ANO10: variants seen among roughly 807,000 people sequenced by gnomAD.
ANO10 encodes anoctamin 10, also known as anoctamin-10.
Under a neutral mutation model 74.7 loss-of-function variants are expected in ANO10, and 77 were observed. That is an observed-to-expected ratio of 1.03 (90% confidence interval 0.86 to 1.25). The LOEUF is 1.25. Among genes scored for constraint, ANO10 ranks in the 50% most tolerant of loss-of-function variants. The probability of loss-of-function intolerance (pLI) is 0.00; values close to 1 mark genes in which losing one functional copy is unlikely to be tolerated. For missense variants in ANO10, 721 were observed against 778.1 expected (o/e 0.93, Z 0.87); for synonymous variants, 279 against 284.9 (o/e 0.98, Z 0.21).
chr3:43,445,045 C>A (rs558053373), intron 11 of ANO10, among the ~76,000 whole-genome samples: 2 of 151,094 alleles, frequency 1.3e-5, no homozygotes, highest in East Asian at 3.9e-4. Flanking sequence ...ATGGCATGAA[C>A]CCGGGAGGAG....
At chr3:43,623,892 A>G (rs2083469271), upstream of ANO10, among the ~76,000 whole-genome samples, 1 of 152,188 alleles carries the variant, frequency 6.6e-6, no homozygotes, top group African/African-American at 2.4e-5. Context: ...GAACTTCAAT[A>G]AGTTTAGACA....
intron 9 of ANO10, among the ~76,000 whole-genome samples, chr3:43,557,096 G>A (rs1390446131): frequency 6.6e-6 from 1 of 151,400 alleles, no homozygotes; most frequent in African/African-American, 2.4e-5. Flanking sequence ...TTATAAAAAG[G>A]AAAAGGAAAG....
At chr3:43,405,806 C>T (rs2092566071) in intron 12 of ANO10, among the ~76,000 whole-genome samples, 1 of 152,232 alleles carries the variant, frequency 6.6e-6, no homozygotes, top group East Asian at 1.9e-4. Flanking sequence ...AAATTTCAAC[C>T]TAAAATATAT....
chr3:43,598,717 A>G, intron 3 of ANO10, 51 bp from the exon 4 acceptor site: 2 of 1,407,762 alleles, frequency 1.4e-6, no homozygotes, highest in Non-Finnish European at 2.0e-6. Flanking sequence ...AAATAAAAAT[A>G]TTCCAATTAC....
In ANO10 at chr3:43,670,391, T is replaced by C. The variant is rs566887189; in HGVS notation, c.-12+21126A>G. 9.6e-4 allele frequency among the ~76,000 whole-genome samples: 146 copies of C among 151,960 alleles called. 3 individuals are homozygous for C. The highest frequency in any genetic ancestry group is 3.5e-3 in the African/African-American group (143 of 41,430). ...CTGGAGATCATTTCTAATTTCATAATAGGTTGGGAGATTTATGCTTAAGAG... is the reference window on the plus strand; with the variant it reads ...CTGGAGATCATTTCTAATTTCATAACAGGTTGGGAGATTTATGCTTAAGAG... On this transcript the variant is annotated intron_variant, in intron 1 of 3. Coordinates refer to the ANO10 transcript ENST00000413397.
rs972745711 is a variant in ANO10, at chr3:43,586,059, G to C, written c.473-5587C>G. On this transcript the variant is annotated intron_variant, in intron 4 of 12. Coordinates refer to ENST00000292246, the MANE Select transcript of ANO10 (RefSeq NM_018075.5). The stretch of plus-strand genomic sequence containing the variant: ...GTAAACTAAGAGCACCCATGCTTCT[G>C]CAAACCTGGGCCAAGCACACAAAGG... Among the ~76,000 whole-genome samples, 8 of 152,320 alleles carry C rather than the reference G, an allele frequency of 5.3e-5. No individual in the cohort carries two copies. In the South Asian group the frequency reaches 6.2e-4, roughly 12 times the overall value.
At chr3:43,684,496 G>C in intron 1 of ANO10, among the ~76,000 whole-genome samples, 1 of 152,182 alleles carries the variant, frequency 6.6e-6, no homozygotes. Context: ...CTGTAAACTC[G>C]TTCAACCATT....
chr3:43,399,263 T>C (rs1463796443), intron 12 of ANO10, among the ~76,000 whole-genome samples: 1 of 152,278 alleles, frequency 6.6e-6, no homozygotes, highest in Non-Finnish European at 1.5e-5. Flanking sequence ...GAGTCATTTC[T>C]AACGAATCTA....
intron 1 of ANO10, among the ~76,000 whole-genome samples, chr3:43,678,134 T>C (rs1242617389): frequency 6.6e-6 from 1 of 152,236 alleles, no homozygotes; most frequent in Non-Finnish European, 1.5e-5. Context: ...TCCTGAGCAC[T>C]CTTACATTAG....
At chr3:43,592,777 T>C (rs962454581) in intron 4 of ANO10, among the ~76,000 whole-genome samples, 1 of 152,174 alleles carries the variant, frequency 6.6e-6, no homozygotes, top group Non-Finnish European at 1.5e-5. Flanking sequence ...AGAAGAAGGC[T>C]TCAGAAGATG....
At chr3:43,474,081 T>A (rs958190273) in intron 11 of ANO10, among the ~76,000 whole-genome samples, 1 of 152,186 alleles carries the variant, frequency 6.6e-6, no homozygotes, top group African/African-American at 2.4e-5. Context: ...ACAGAGGCCT[T>A]TTTGGTTTTG....
intron 1 of ANO10, among the ~76,000 whole-genome samples, chr3:43,644,822 C>T (rs1164402750): frequency 6.6e-6 from 1 of 152,256 alleles, no homozygotes; most frequent in Non-Finnish European, 1.5e-5. Flanking sequence ...GCGGTAACAC[C>T]TTCCCATTGG....
chr3:43,550,415 G>A (rs554182815), intron 10 of ANO10, among the ~76,000 whole-genome samples: 1 of 152,268 alleles, frequency 6.6e-6, no homozygotes, highest in East Asian at 1.9e-4. Context: ...AACTGGTCCA[G>A]CATTCCCTGA....
intron 11 of ANO10, among the ~76,000 whole-genome samples, chr3:43,443,462 T>C (rs932518614): frequency 6.6e-6 from 1 of 152,066 alleles, no homozygotes; most frequent in African/African-American, 2.4e-5. Flanking sequence ...AGAGACAGTA[T>C]GGGGGAGATC....
In ANO10 at chr3:43,665,057, G is replaced by A. The variant is rs192298067; in HGVS notation, c.-12+26460C>T. Among the ~76,000 whole-genome samples the A allele has an allele frequency of 5.4e-3, 827 of 152,152 alleles. 15 individuals are homozygous for A. The highest frequency in any genetic ancestry group is 0.015 in the Admixed American group (227 of 15,282). Reference sequence around the variant, plus strand: ...CCCAAAGGATTACAAATCATTCTACGATAAAGACACATGCACATGTATGTT... The same window carrying A: ...CCCAAAGGATTACAAATCATTCTACAATAAAGACACATGCACATGTATGTT... On this transcript the variant is annotated intron_variant, in intron 1 of 3. Coordinates refer to the ANO10 transcript ENST00000413397.
At chr3:43,485,119 CT>C in intron 11 of ANO10, 1 of 937,428 alleles carries the variant, frequency 1.1e-6, no homozygotes, top group South Asian at 1.4e-5. Context: ...TCACCTCCAC[CT>C]TCATCTGGTG....
intron 1 of ANO10, among the ~76,000 whole-genome samples, chr3:43,647,341 C>T (rs999402450): frequency 2.0e-5 from 3 of 151,888 alleles, no homozygotes; most frequent in Admixed American, 6.6e-5. Context: ...GTTGGGGGAG[C>T]GCTGGTATAA....
chr3:43,639,787 A>G (rs572730807), intron 1 of ANO10, among the ~76,000 whole-genome samples: 31 of 152,236 alleles, frequency 2.0e-4, no homozygotes, highest in African/African-American at 5.1e-4. Context: ...AAAAAAAAAA[A>G]AAAGAAAGAA....
chr3:43,521,916 A>G (rs1456060639), intron 11 of ANO10, among the ~76,000 whole-genome samples: 1 of 152,236 alleles, frequency 6.6e-6, no homozygotes, highest in Non-Finnish European at 1.5e-5. Context: ...CCATCAACAG[A>G]AGAATGAATT....
Sources: allele counts gnomAD v4.1 joint callset (sites outside exome capture counted in the v4.1 genomes callset), GRCh38; gene constraint gnomAD v4.1.1; transcripts MANE v1.5; gene names NCBI Gene and HGNC (gene_info 2026-07-23, HGNC 2026-07-21).